ROBO2: variants seen among roughly 807,000 people sequenced by gnomAD.
ROBO2 encodes roundabout guidance receptor 2, also known as roundabout homolog 2.
A neutral mutation model predicts 160.8 loss-of-function variants in ROBO2; 53 were observed. That is an observed-to-expected ratio of 0.33 (90% CI 0.26 to 0.41). The LOEUF is 0.41. Among genes scored for constraint, ROBO2 ranks in the 10% least tolerant of loss-of-function variants. The probability of loss-of-function intolerance (pLI) is 1.00; values close to 1 mark genes in which losing one functional copy is unlikely to be tolerated. For synonymous variants in ROBO2, 664 were observed against 611.7 expected, an observed-to-expected ratio of 1.09 and a Z score of -1.26; for missense variants, 1,577 against 1,722.4, an observed-to-expected ratio of 0.92 and a Z score of 1.49.
At chr3:76,137,429 G>C (rs2071472434) in intron 2 of ROBO2, among the ~76,000 whole-genome samples, 1 of 151,940 alleles carries the variant, frequency 6.6e-6, no homozygotes, top group Admixed American at 6.6e-5. Flanking sequence ...AGATTCATTT[G>C]ATGAATCCAA....
chr3:77,450,608 A>G (rs2081017924), intron 2 of ROBO2, among the ~76,000 whole-genome samples: 1 of 152,142 alleles, frequency 6.6e-6, no homozygotes, highest in South Asian at 2.1e-4. Flanking sequence ...CCATCAATTA[A>G]TATGAAAAAG....
intron 2 of ROBO2, among the ~76,000 whole-genome samples, chr3:76,698,114 A>G (rs952569871): frequency 6.6e-5 from 10 of 152,174 alleles, no homozygotes; most frequent in South Asian, 2.1e-4. Flanking sequence ...AAGCTCTTCT[A>G]TTTTATTCAC....
intron 2 of ROBO2, among the ~76,000 whole-genome samples, chr3:77,328,062 C>CAAAAAAAAAAAAAAAAA (rs57829219): frequency 8.9e-6 from 1 of 112,834 alleles, no homozygotes. Context: ...GACCGTATCT[C>CAAAAAAAAAAAAAAAAA]AAAAAAAAAA....
intron 2 of ROBO2, among the ~76,000 whole-genome samples, chr3:76,892,259 A>T (rs1481516100): frequency 6.6e-6 from 1 of 150,376 alleles, no homozygotes; most frequent in East Asian, 1.9e-4. Context: ...CACAGAACTA[A>T]CTGCCTAGGC....
chr3:76,049,403 A>ATATATATTTTTTT (rs1414664360), intron 2 of ROBO2, among the ~76,000 whole-genome samples: 1 of 53,762 alleles, frequency 1.9e-5, no homozygotes, highest in East Asian at 6.3e-4. Context: ...ATATATATAT[A>ATATATATTTTTTT]TTTTTTTTTT....
At chr3:77,271,718 T>A (rs1464781020) in intron 2 of ROBO2, among the ~76,000 whole-genome samples, 1 of 152,216 alleles carries the variant, frequency 6.6e-6, no homozygotes, top group African/African-American at 2.4e-5. Flanking sequence ...CTGGTGTTTG[T>A]TGGTTGTGGG....
At chr3:76,274,199 C>G (rs1022319388) in intron 2 of ROBO2, among the ~76,000 whole-genome samples, 1 of 152,152 alleles carries the variant, frequency 6.6e-6, no homozygotes, top group Non-Finnish European at 1.5e-5. Flanking sequence ...TAATTTTATT[C>G]ATGATACTAC....
intron 2 of ROBO2, among the ~76,000 whole-genome samples, chr3:76,734,058 G>A (rs1297430099): frequency 6.6e-6 from 1 of 152,030 alleles, no homozygotes; most frequent in Non-Finnish European, 1.5e-5. Flanking sequence ...ATTCATGAGG[G>A]CCTCATCCTC....
At chr3:76,607,076 T>C (rs922445815) in intron 2 of ROBO2, among the ~76,000 whole-genome samples, 1 of 152,222 alleles carries the variant, frequency 6.6e-6, no homozygotes, top group African/African-American at 2.4e-5. Flanking sequence ...GGGATCTTGC[T>C]ATGCTGCCCA....
At chr3:76,226,674 A>T (rs925222935) in intron 2 of ROBO2, among the ~76,000 whole-genome samples, 7 of 152,190 alleles carry the variant, frequency 4.6e-5, no homozygotes, top group African/African-American at 7.2e-5. Context: ...TATAAAAAAA[A>T]TTAGTTACAA....
chr3:76,824,571 C>T (rs2066407494), intron 2 of ROBO2, among the ~76,000 whole-genome samples: 1 of 152,100 alleles, frequency 6.6e-6, no homozygotes, highest in Admixed American at 6.6e-5. Flanking sequence ...CATTACCTCT[C>T]CCATCTTGAA....
intron 2 of ROBO2, among the ~76,000 whole-genome samples, chr3:77,459,076 A>G (rs1249081607): frequency 2.0e-5 from 3 of 152,200 alleles, no homozygotes; most frequent in African/African-American, 7.2e-5. Context: ...CAATATTTTA[A>G]AATAAACATT....
In ROBO2 at chr3:75,997,427, C is replaced by A. The variant is rs73841066; in HGVS notation, c.109+59825C>A. 7.1e-3 allele frequency among the ~76,000 whole-genome samples: 1,065 copies of A among 150,860 alleles called. 16 individuals are homozygous for A. Among genetic ancestry groups the A allele is most frequent in the African/African-American group, 0.024 (985 of 41,236 alleles). ...GCAAAAGAACTTTTGGAAATAATTT[C>A]TTTGGTGTGTCTGAGAACTGTGAAG... On this transcript the variant is annotated intron_variant, in intron 2 of 26. Coordinates refer to the ROBO2 transcript ENST00000487694.
intron 22 of ROBO2, among the ~76,000 whole-genome samples, chr3:77,619,752 T>C (rs2153704419): frequency 6.6e-6 from 1 of 152,236 alleles, no homozygotes; most frequent in South Asian, 2.1e-4. Flanking sequence ...CTAAGGCCTC[T>C]AGGTAAGCAG....
intron 2 of ROBO2, among the ~76,000 whole-genome samples, chr3:76,093,821 G>C (rs1212006943): frequency 6.6e-6 from 1 of 152,086 alleles, no homozygotes; most frequent in Non-Finnish European, 1.5e-5. Flanking sequence ...AGGAAAATGT[G>C]TGGCATTTTA....
intron 2 of ROBO2, among the ~76,000 whole-genome samples, chr3:77,159,948 G>A (rs114937871): frequency 0.019 from 2,869 of 152,064 alleles, 101 homozygotes; most frequent in African/African-American, 0.065. Context: ...GGTTTATTAC[G>A]TTTTAGAAGT....
At chr3:75,937,446 A>G (rs1446429081) in intron 1 of ROBO2, 3 of 1,181,692 alleles carry the variant, frequency 2.5e-6, no homozygotes, top group Non-Finnish European at 3.5e-6. Flanking sequence ...AATGTAATTT[A>G]TTGTACTTTC....
At position 76,261,146 on chromosome 3, in the gene ROBO2, A is replaced by G. The variant is rs189404157; in HGVS notation, c.109+323544A>G. ...TTCAACAGAACCTTAGTTGTGCTCA[A>G]ATTTTTCTTTTAAACTAAATTATGT... On this transcript the variant is annotated intron_variant, in intron 2 of 26. Coordinates refer to the ROBO2 transcript ENST00000487694. Among the ~76,000 whole-genome samples, 1,239 of 149,620 alleles carry G rather than the reference A, an allele frequency of 8.3e-3. 8 individuals carry two copies. Among genetic ancestry groups the G allele is most frequent in the Middle Eastern group, 0.014 (4 of 288 alleles).
chr3:77,192,192 T>C (rs1186653588), intron 2 of ROBO2, among the ~76,000 whole-genome samples: 2 of 152,214 alleles, frequency 1.3e-5, no homozygotes, highest in Non-Finnish European at 2.9e-5. Context: ...TGTCAATATA[T>C]TCTCAATGAT....
Sources: allele counts gnomAD v4.1 joint callset (sites outside exome capture counted in the v4.1 genomes callset), GRCh38; gene constraint gnomAD v4.1.1; transcripts MANE v1.5; gene names NCBI Gene and HGNC (gene_info 2026-07-23, HGNC 2026-07-21).